Variants in MYO1H observed in about 807,000 individuals in gnomAD.
The protein encoded by MYO1H is unconventional myosin-Ih.
MYO1H carries 118 observed loss-of-function variants against 149.3 expected under a neutral mutation model. The ratio of observed to expected loss-of-function variants is 0.79; its 90% CI spans 0.68 to 0.92. The LOEUF (loss-of-function observed/expected upper bound fraction) is 0.92. Ranked by LOEUF, MYO1H falls within the 40% of genes least tolerant of loss-of-function variation. MYO1H has a pLI of 0.00. For missense variants in MYO1H, 1,212 were observed against 1,280.7 expected (o/e 0.95, Z 0.82); for synonymous variants, 447 against 465.2 (o/e 0.96, Z 0.50).
At chr12:109,446,915 CTG>C (rs1295630189) in intron 31 of MYO1H, among the ~76,000 whole-genome samples, 2 of 152,188 alleles carry the variant, frequency 1.3e-5, no homozygotes, top group Admixed American at 6.5e-5. Flanking sequence ...ACCCCAGAGA[CTG>C]TGTCTCTCTC....
chr12:109,334,657 A>T, the MYO1H span, among the ~76,000 whole-genome samples: 1 of 152,124 alleles, frequency 6.6e-6, no homozygotes, highest in Non-Finnish European at 1.5e-5. Flanking sequence ...TGTATCTCGA[A>T]GCCTTTGTTT....
the MYO1H span, among the ~76,000 whole-genome samples, chr12:109,321,494 A>G: frequency 1.3e-5 from 2 of 152,122 alleles, no homozygotes; most frequent in Admixed American, 1.3e-4. Flanking sequence ...TGGAGGTTGC[A>G]GTGAGCCGAG....
chr12:109,391,607 T>C (rs1869657656), intron 2 of MYO1H, among the ~76,000 whole-genome samples: 1 of 152,216 alleles, frequency 6.6e-6, no homozygotes, highest in Non-Finnish European at 1.5e-5. Flanking sequence ...TCAAATGGTA[T>C]TTCTGCCTCT....
exon 8 of MYO1H, chr12:109,405,982 G>A (rs570225956): frequency 1.2e-5 from 19 of 1,613,798 alleles, no homozygotes; most frequent in East Asian, 6.7e-5. Context: ...TGAAGAAGAC[G>A]ACCAAGGCTG....
intron 15 of MYO1H, among the ~76,000 whole-genome samples, chr12:109,415,945 T>G (rs1870885692): frequency 6.6e-6 from 1 of 151,154 alleles, no homozygotes; most frequent in African/African-American, 2.4e-5. Context: ...TTATTTTATT[T>G]TATTTTATTT....
At chr12:109,414,635 G>A (rs1182349096) in intron 14 of MYO1H, among the ~76,000 whole-genome samples, 1 of 152,018 alleles carries the variant, frequency 6.6e-6, no homozygotes, top group African/African-American at 2.4e-5. Flanking sequence ...AATTTATTAT[G>A]CAAATACATG....
At chr12:109,424,792 G>A (rs1871296268) in exon 17 of MYO1H, 8 of 1,613,946 alleles carry the variant, frequency 5.0e-6, no homozygotes, top group Non-Finnish European at 6.8e-6. Context: ...AATGCTTCCT[G>A]CTGGCCGAGT....
intron 10 of MYO1H, among the ~76,000 whole-genome samples, chr12:109,409,246 C>CTTCTTTTTTTTTTTTTTTT (rs1870549669): frequency 2.1e-5 from 1 of 47,840 alleles, no homozygotes; most frequent in Non-Finnish European, 3.9e-5. Flanking sequence ...TCTTCTTCTT[C>CTTCTTTTTTTTTTTTTTTT]TTTTTTTTTT....
chr12:109,444,585 G>C, intron 30 of MYO1H, 56 bp downstream of exon 30: 1 of 1,371,124 alleles, frequency 7.3e-7, no homozygotes, highest in Non-Finnish European at 1.0e-6. Context: ...TGTTTATTAA[G>C]GCCGAGCGTG....
exon 21 of MYO1H, chr12:109,435,079 C>T (rs747255521): frequency 6.2e-6 from 10 of 1,608,694 alleles, no homozygotes; most frequent in African/African-American, 2.7e-5. Context: ...TGTTTGCTAC[C>T]GAAGATGCCT....
chr12:109,421,945 TC>T (rs1178381180), intron 16 of MYO1H, among the ~76,000 whole-genome samples: 1 of 152,074 alleles, frequency 6.6e-6, no homozygotes, highest in African/African-American at 2.4e-5. Flanking sequence ...CCTGCCTCAG[TC>T]TGAGTAGCTA....
intron 1 of MYO1H, among the ~76,000 whole-genome samples, chr12:109,368,660 A>AAAAG (rs1868918949): frequency 6.9e-6 from 1 of 144,046 alleles, no homozygotes; most frequent in South Asian, 2.2e-4. Flanking sequence ...AAAAAAAAAA[A>AAAAG]GGGTTCTTGC....
chr12:109,406,013 A>T (rs1184511448), exon 8 of MYO1H: 3 of 1,613,160 alleles, frequency 1.9e-6, no homozygotes, highest in Non-Finnish European at 8.5e-7. Context: ...CCAGACACCC[A>T]TGAGATCAAG....
intron 1 of MYO1H, among the ~76,000 whole-genome samples, chr12:109,360,006 C>G (rs921281201): frequency 1.7e-4 from 26 of 152,176 alleles, no homozygotes; most frequent in Non-Finnish European, 5.9e-5. Flanking sequence ...GCCGGACGGT[C>G]AGCCCTTTAC....
At chr12:109,409,246 C>CTTTTTTTTTTTTTTTTTTTTT (rs66507410) in intron 10 of MYO1H, among the ~76,000 whole-genome samples, 1 of 47,840 alleles carries the variant, frequency 2.1e-5, no homozygotes, top group Non-Finnish European at 3.9e-5. Context: ...TCTTCTTCTT[C>CTTTTTTTTTTTTTTTTTTTTT]TTTTTTTTTT....
At chr12:109,388,187 TA>T (rs35871889) in intron 1 of MYO1H, among the ~76,000 whole-genome samples, 145 of 149,854 alleles carry the variant, frequency 9.7e-4, no homozygotes, top group African/African-American at 3.5e-3. Flanking sequence ...AAATTAATTT[TA>T]AAAAAAGAAA....
At chr12:109,440,270 A>G (rs1872061714) in intron 24 of MYO1H, among the ~76,000 whole-genome samples, 1 of 152,130 alleles carries the variant, frequency 6.6e-6, no homozygotes, top group Non-Finnish European at 1.5e-5. Flanking sequence ...TCCTGACCTC[A>G]AATGATCTGT....
Position 109,443,359 on chromosome 12 carries a change from C to T in MYO1H, c.2689-155C>T, listed in dbSNP as rs1320175936. The stretch of plus-strand genomic sequence containing the variant: ...GTACGTATATATGTGTGTATATACA[C>T]ACACACACACACACACACACACACA... On this transcript the variant is annotated intron_variant, in intron 27 of 31. Coordinates refer to ENST00000310903, the Ensembl canonical transcript of MYO1H. Among the ~76,000 whole-genome samples, 22 of 33,164 alleles carry T rather than the reference C, an allele frequency of 6.6e-4. 2 individuals are homozygous for T. The highest frequency in any genetic ancestry group is 5.5e-3 in the East Asian group (7 of 1,264). 21.8% of individuals were successfully genotyped at this position (33,164 alleles called of 152,430 possible). A position where few individuals can be genotyped will look rare whatever the true frequency, so the allele number is the denominator to read the frequency against.
chr12:109,387,579 G>A (rs1160942555), intron 1 of MYO1H, among the ~76,000 whole-genome samples: 1 of 152,198 alleles, frequency 6.6e-6, no homozygotes, highest in African/African-American at 2.4e-5. Flanking sequence ...CATTGCAAAG[G>A]CAGGCCGCTT....
Sources: allele counts gnomAD v4.1 joint callset (sites outside exome capture counted in the v4.1 genomes callset), GRCh38; gene constraint gnomAD v4.1.1; transcripts MANE v1.5; gene names NCBI Gene and HGNC (gene_info 2026-07-23, HGNC 2026-07-21).